Variants in GLIS3 observed in about 807,000 individuals in gnomAD.
The protein encoded by GLIS3 is GLIS family zinc finger 3, also known as zinc finger protein GLIS3.
A neutral mutation model predicts 78.6 loss-of-function variants in GLIS3; 53 were observed. The ratio of observed to expected loss-of-function variants is 0.67; its 90% CI spans 0.54 to 0.85. The LOEUF (loss-of-function observed/expected upper bound fraction) is 0.85, where lower values mean the gene tolerates loss of function less well. Among genes scored for constraint, GLIS3 ranks in the 40% least tolerant of loss-of-function variants. The pLI is 0.00. For missense variants in GLIS3, 1,703 were observed against 1,231.1 expected (o/e 1.38, Z -5.74); for synonymous variants, 684 against 509.9 (o/e 1.34, Z -4.60).
intron 9 of GLIS3, among the ~76,000 whole-genome samples, chr9:3,833,080 C>G (rs530169587): frequency 6.6e-5 from 10 of 152,092 alleles, no homozygotes; most frequent in Non-Finnish European, 1.3e-4. Context: ...ATATCAAATC[C>G]AACATTCTGG....
chr9:4,188,277 C>T (rs1444603879), intron 2 of GLIS3, among the ~76,000 whole-genome samples: 15 of 148,580 alleles, frequency 1.0e-4, no homozygotes, highest in African/African-American at 1.5e-4. Context: ...GTCTTTGGTT[C>T]GTTTATATGC....
the GLIS3 span, among the ~76,000 whole-genome samples, chr9:4,428,245 G>C: frequency 6.6e-6 from 1 of 152,006 alleles, no homozygotes; most frequent in Non-Finnish European, 1.5e-5. Context: ...TTGGGAGGTT[G>C]AGGCGGGCGG....
chr9:3,988,504 C>G (rs1458597740), intron 4 of GLIS3, among the ~76,000 whole-genome samples: 2 of 152,092 alleles, frequency 1.3e-5, no homozygotes, highest in Admixed American at 1.3e-4. Context: ...AAAGGCACAG[C>G]CCTATATTAA....
chr9:4,355,902 C>T, the GLIS3 span, among the ~76,000 whole-genome samples: 3 of 152,116 alleles, frequency 2.0e-5, no homozygotes, highest in Non-Finnish European at 4.4e-5. Context: ...ATGAAATGTT[C>T]TATATCTTGA....
intron 4 of GLIS3, among the ~76,000 whole-genome samples, chr9:4,032,084 T>G (rs766819239): frequency 6.6e-6 from 1 of 152,122 alleles, no homozygotes; most frequent in Non-Finnish European, 1.5e-5. Flanking sequence ...TGAGCAGCCC[T>G]GCAGAGCAAG....
chr9:4,041,787 C>T (rs1824833335), intron 4 of GLIS3, among the ~76,000 whole-genome samples: 1 of 152,186 alleles, frequency 6.6e-6, no homozygotes, highest in Non-Finnish European at 1.5e-5. Flanking sequence ...ATGTCTCTTG[C>T]TTGAGTCACT....
At chr9:4,047,717 G>T (rs917427231) in intron 4 of GLIS3, among the ~76,000 whole-genome samples, 7 of 152,168 alleles carry the variant, frequency 4.6e-5, no homozygotes, top group African/African-American at 1.4e-4. Context: ...AGTCGGCTCA[G>T]TGTGCTACCC....
intron 2 of GLIS3, among the ~76,000 whole-genome samples, chr9:4,155,220 T>C (rs73394590): frequency 0.011 from 1,682 of 152,340 alleles, 36 homozygotes; most frequent in African/African-American, 0.038. Context: ...CTAGTGTTAA[T>C]GTGTAAAACA....
chr9:4,058,527 C>T (rs531898659), intron 4 of GLIS3, among the ~76,000 whole-genome samples: 4 of 151,778 alleles, frequency 2.6e-5, no homozygotes, highest in Admixed American at 6.6e-5. Flanking sequence ...TCCAATAAGT[C>T]CTGGAATGTA....
At chr9:4,156,857 A>C (rs1029319239) in intron 2 of GLIS3, among the ~76,000 whole-genome samples, 1 of 152,160 alleles carries the variant, frequency 6.6e-6, no homozygotes, top group African/African-American at 2.4e-5. Flanking sequence ...CTTAGCTTGC[A>C]GTGGTTCTCA....
At chr9:4,461,828 AGCATGAACAAGAGATAAAAGT>A in the GLIS3 span, among the ~76,000 whole-genome samples, 116 of 152,356 alleles carry the variant, frequency 7.6e-4, no homozygotes, top group African/African-American at 2.5e-3. Context: ...ATGGACATAC[AGCATGAACAAGAGATAAAAGT>A]TTGTTGTCGT....
At chr9:4,112,132 T>C (rs145563699) in intron 4 of GLIS3, among the ~76,000 whole-genome samples, 132 of 152,154 alleles carry the variant, frequency 8.7e-4, no homozygotes, top group African/African-American at 3.0e-3. Context: ...GGCAAGGAGG[T>C]GGCAACAATG....
At chr9:4,048,078 G>A (rs1024246675) in intron 4 of GLIS3, among the ~76,000 whole-genome samples, 1 of 152,178 alleles carries the variant, frequency 6.6e-6, no homozygotes, top group Non-Finnish European at 1.5e-5. Flanking sequence ...TGATTGGAGA[G>A]CCCTAAATAA....
intron 4 of GLIS3, among the ~76,000 whole-genome samples, chr9:4,308,399 AGAAG>A (rs934951935): frequency 6.6e-6 from 1 of 152,102 alleles, no homozygotes; most frequent in Non-Finnish European, 1.5e-5. Context: ...AAAGAAGAGG[AGAAG>A]GAAGGAAGGG....
At chr9:4,246,504 C>T (rs761613999) in intron 2 of GLIS3, among the ~76,000 whole-genome samples, 1 of 152,198 alleles carries the variant, frequency 6.6e-6, no homozygotes, top group African/African-American at 2.4e-5. Flanking sequence ...CCCTAAGTGA[C>T]ATCTGCAGTT....
At chr9:4,258,993 T>C (rs1825244859) in intron 2 of GLIS3, among the ~76,000 whole-genome samples, 1 of 152,140 alleles carries the variant, frequency 6.6e-6, no homozygotes, top group Non-Finnish European at 1.5e-5. Flanking sequence ...CAAACCATTT[T>C]ACTCCAGAAA....
the GLIS3 span, among the ~76,000 whole-genome samples, chr9:4,453,086 TG>T: frequency 6.6e-6 from 1 of 152,148 alleles, no homozygotes; most frequent in African/African-American, 2.4e-5. Context: ...TTTATCATGG[TG>T]CTAGGAAAAC....
chr9:4,457,514 C>T, the GLIS3 span, among the ~76,000 whole-genome samples: 7 of 151,954 alleles, frequency 4.6e-5, no homozygotes, highest in Non-Finnish European at 1.0e-4. Flanking sequence ...TGGGTTTGGA[C>T]ACATACATCT....
At chr9:4,417,303 TTAAC>T in the GLIS3 span, among the ~76,000 whole-genome samples, 1 of 152,180 alleles carries the variant, frequency 6.6e-6, no homozygotes, top group African/African-American at 2.4e-5. Flanking sequence ...CTGATATTAT[TTAAC>T]TAAAACATGG....
Sources: gnomAD v4.1 joint callset for allele counts (sites outside exome capture counted in the v4.1 genomes callset) on GRCh38, gnomAD v4.1.1 for gene constraint, MANE v1.5 for transcripts, NCBI Gene and HGNC (gene_info 2026-07-23, HGNC 2026-07-21) for gene names.